Variants in NFIA observed in about 807,000 individuals in gnomAD.
NFIA encodes nuclear factor I A.
A neutral mutation model predicts 62.8 loss-of-function variants in NFIA; 8 were observed. The ratio of observed to expected loss-of-function variants is 0.13; its 90% CI spans 0.07 to 0.23. NFIA has a LOEUF of 0.23. Ranked by LOEUF, NFIA falls within the 10% of genes least tolerant of loss-of-function variation. The pLI, the probability that NFIA is intolerant of heterozygous loss-of-function variation, is 1.00. For synonymous variants in NFIA, 235 were observed against 238.1 expected (o/e 0.99, Z 0.12); for missense variants, 410 against 642.1 (o/e 0.64, Z 3.91).
At chr1:61,205,537 T>C (rs1032353471) in intron 2 of NFIA, among the ~76,000 whole-genome samples, 2 of 152,198 alleles carry the variant, frequency 1.3e-5, no homozygotes, top group African/African-American at 4.8e-5. Context: ...CCATTTATGC[T>C]GGAGGTTGCA....
At chr1:61,175,859 A>C (rs920059087) in intron 2 of NFIA, among the ~76,000 whole-genome samples, 14 of 152,218 alleles carry the variant, frequency 9.2e-5, no homozygotes, top group Admixed American at 9.2e-4. Context: ...TCTGTGCCAC[A>C]AACTGTAATA....
intron 10 of NFIA, among the ~76,000 whole-genome samples, chr1:61,433,151 G>T (rs1181862076): frequency 6.6e-6 from 1 of 152,182 alleles, no homozygotes; most frequent in Non-Finnish European, 1.5e-5. Context: ...AAGCCTTGAA[G>T]TTAGTCCCAG....
intron 3 of NFIA, 37 bp downstream of exon 3, chr1:61,277,622 A>C: frequency 5.0e-6 from 8 of 1,605,714 alleles, no homozygotes; most frequent in Non-Finnish European, 6.8e-6. Context: ...CTGCTTTCAG[A>C]GTCCACAGCA....
chr1:61,086,677 A>T (rs922736255), intron 1 of NFIA, among the ~76,000 whole-genome samples: 1 of 152,074 alleles, frequency 6.6e-6, no homozygotes, highest in Non-Finnish European at 1.5e-5. Flanking sequence ...TCAGTCATAT[A>T]GAGTGTTTAA....
At chr1:61,168,884 T>G (rs1649759941) in intron 2 of NFIA, among the ~76,000 whole-genome samples, 1 of 152,212 alleles carries the variant, frequency 6.6e-6, no homozygotes, top group Non-Finnish European at 1.5e-5. Flanking sequence ...CAGCAAGACT[T>G]ACTTCCTTTG....
chr1:61,211,201 G>A (rs537023615), intron 2 of NFIA, among the ~76,000 whole-genome samples: 14 of 152,158 alleles, frequency 9.2e-5, no homozygotes, highest in Admixed American at 7.8e-4. Flanking sequence ...GCCCTGAATC[G>A]CATATATTAA....
chr1:61,081,319 C>T (rs1002446622), upstream of NFIA, among the ~76,000 whole-genome samples: 6 of 151,942 alleles, frequency 3.9e-5, no homozygotes, highest in Admixed American at 3.9e-4. Flanking sequence ...AACCACCCCC[C>T]TCTTTTCTGC....
At chr1:61,113,842 G>A (rs935869647) in intron 2 of NFIA, among the ~76,000 whole-genome samples, 3 of 152,150 alleles carry the variant, frequency 2.0e-5, no homozygotes, top group African/African-American at 7.2e-5. Context: ...GTCGGTTGGC[G>A]AGTTTGGTTA....
In NFIA at chr1:61,308,341, GA is replaced by G. The variant is rs535247666; in HGVS notation, c.626-24164del. ...GCACAAGTCAAGGAGTAAATGAGTA[GA>G]AAAAAATCCATAAGATATCATCATC... On this transcript the variant is annotated intron_variant, in intron 3 of 10. Transcript: ENST00000403491. Among the ~76,000 whole-genome samples the G allele has an allele frequency of 2.8e-3, 421 of 152,098 alleles. 3 individuals are homozygous for G. Among genetic ancestry groups the G allele is most frequent in the African/African-American group, 9.7e-3 (404 of 41,484 alleles).
rs182944698 is a variant in NFIA at position 61,278,194 on chromosome 1, C to T, written c.625+609C>T. 1.7e-4 allele frequency among the ~76,000 whole-genome samples: 26 copies of T among 152,232 alleles called. No individual in the cohort carries two copies. The East Asian group carries it at 4.8e-3, about 28-fold the overall frequency. ...TTGCAGATGCTTTATTAAAATAGAACATACATTATATATGAATATCATAGT... is the reference window on the plus strand; with the variant it reads ...TTGCAGATGCTTTATTAAAATAGAATATACATTATATATGAATATCATAGT... On this transcript the variant is annotated intron_variant, in intron 3 of 10. Coordinates refer to ENST00000403491, the MANE Select transcript of NFIA (RefSeq NM_001134673.4).
intron 2 of NFIA, among the ~76,000 whole-genome samples, chr1:61,273,587 A>T (rs1320915225): frequency 6.6e-6 from 1 of 152,222 alleles, no homozygotes; most frequent in East Asian, 1.9e-4. Context: ...CTGAACAACA[A>T]TTGAAATTTC....
At chr1:61,356,046 C>T (rs1038105918) in intron 5 of NFIA, among the ~76,000 whole-genome samples, 1 of 152,106 alleles carries the variant, frequency 6.6e-6, no homozygotes, top group Non-Finnish European at 1.5e-5. Context: ...AGAAAAGTAT[C>T]AATAATGGGA....
At chr1:61,229,129 A>G (rs908277584) in intron 2 of NFIA, among the ~76,000 whole-genome samples, 2 of 147,866 alleles carry the variant, frequency 1.4e-5, no homozygotes, top group African/African-American at 4.9e-5. Context: ...GAGTCAGGGT[A>G]AAAGAAAAAA....
intron 6 of NFIA, among the ~76,000 whole-genome samples, chr1:61,370,810 C>T (rs758183631): frequency 2.0e-5 from 3 of 152,106 alleles, no homozygotes; most frequent in South Asian, 2.1e-4. Flanking sequence ...TCTTGTTCCT[C>T]ATTTTGAAGA....
chr1:61,189,346 G>A (rs1196193456), intron 2 of NFIA, among the ~76,000 whole-genome samples: 7 of 152,106 alleles, frequency 4.6e-5, no homozygotes, highest in Non-Finnish European at 1.0e-4. Context: ...GGAGTTACAG[G>A]TTTGGAGAGA....
rs932826867 is a variant in NFIA at position 61,456,828 on chromosome 1, A to C, written c.*1508A>C. ...AAACAAAAAACAAAAACAAAAAAAA[A>C]ACACAAAAAACCACAGAAACAAAAA... On this transcript the variant is annotated 3_prime_UTR_variant, in exon 11 of 11. Transcript: ENST00000403491. 8 of 151,364 alleles carry C rather than the reference A, an allele frequency of 5.3e-5. No homozygotes were observed. The highest frequency in any genetic ancestry group is 7.3e-5 in the African/African-American group (3 of 41,264). The allele number at this position is 151,364 out of a possible 1,614,324, so 9.4% of individuals were successfully genotyped here.
At chr1:61,257,560 G>A (rs1244426396) in intron 2 of NFIA, among the ~76,000 whole-genome samples, 3 of 151,796 alleles carry the variant, frequency 2.0e-5, no homozygotes, top group African/African-American at 4.8e-5. Context: ...GGATGGTCTC[G>A]AACTCCTGAC....
intron 2 of NFIA, among the ~76,000 whole-genome samples, chr1:61,231,029 GT>G (rs1267468868): frequency 6.6e-6 from 1 of 152,154 alleles, no homozygotes; most frequent in Non-Finnish European, 1.5e-5. Flanking sequence ...TTCTGCCACA[GT>G]ACTTATCACA....
chr1:61,425,297 G>A (rs1019004689), intron 9 of NFIA, among the ~76,000 whole-genome samples: 3 of 152,238 alleles, frequency 2.0e-5, no homozygotes, highest in Non-Finnish European at 2.9e-5. Context: ...CAGAAAGCCA[G>A]AGTAAGAGGA....
Sources: gnomAD v4.1 joint callset for allele counts (sites outside exome capture counted in the v4.1 genomes callset) on GRCh38, gnomAD v4.1.1 for gene constraint, MANE v1.5 for transcripts, NCBI Gene and HGNC (gene_info 2026-07-23, HGNC 2026-07-21) for gene names.